The following MIB1 variants were observed in gnomAD, a reference collection of about 807,000 sequenced individuals.
The protein encoded by MIB1 is E3 ubiquitin-protein ligase MIB1.
Under a neutral mutation model 124.5 loss-of-function variants are expected in MIB1, and 278 were observed. That is an observed-to-expected ratio of 2.23 (90% CI 2.02 to 2.47). The LOEUF is 2.47. Ranked by LOEUF, MIB1 falls within the 30% of genes most tolerant of loss-of-function variation. The pLI is 0.00. For missense variants in MIB1, 957 were observed against 1,254.4 expected (o/e 0.76, Z 3.58); for synonymous variants, 446 against 429.4 (o/e 1.04, Z -0.48).
intron 9 of MIB1, 91 bp from the exon 10 acceptor site, chr18:21,803,816 A>G: frequency 2.4e-6 from 2 of 844,616 alleles, no homozygotes; most frequent in Non-Finnish European, 3.8e-6. Flanking sequence ...GGAATCATAC[A>G]GTATACTAGA....
In MIB1 at chr18:21,714,373, G is replaced by T. The variant is rs553469788; in HGVS notation, n.167+9250G>T. Reference sequence around the variant, plus strand: ...TTTCATGCTGGGAGTAGGGAGGATAGGGCATGGGGAACAGGTAGTGTGAAA... The same window carrying T: ...TTTCATGCTGGGAGTAGGGAGGATATGGCATGGGGAACAGGTAGTGTGAAA... On this transcript the variant is annotated intron_variant and non_coding_transcript_variant, in intron 1 of 20. Transcript: ENST00000578646. Among the ~76,000 whole-genome samples, 8 of 152,312 alleles carry T rather than the reference G, an allele frequency of 5.3e-5. No homozygotes were observed. The East Asian group carries it at 1.5e-3, about 29-fold the overall frequency.
At chr18:21,859,350 G>A (rs969263661) in intron 20 of MIB1, among the ~76,000 whole-genome samples, 7 of 149,372 alleles carry the variant, frequency 4.7e-5, no homozygotes, top group African/African-American at 1.7e-4. Context: ...CTGTGATCAC[G>A]CCATTGCACT....
chr18:21,842,523 C>T (rs990750450), intron 13 of MIB1, among the ~76,000 whole-genome samples: 3 of 152,128 alleles, frequency 2.0e-5, no homozygotes, highest in African/African-American at 4.8e-5. Flanking sequence ...TTATTTTGCT[C>T]CTCAGTCTCT....
chr18:21,834,600 T>C (rs2146495538), intron 12 of MIB1, among the ~76,000 whole-genome samples: 1 of 152,372 alleles, frequency 6.6e-6, no homozygotes, highest in South Asian at 2.1e-4. Flanking sequence ...ACACTTTATC[T>C]CTGTGGCCTT....
At chr18:21,830,543 T>G (rs2041969366) in intron 12 of MIB1, 1 of 152,138 alleles carries the variant, frequency 6.6e-6, no homozygotes, top group Non-Finnish European at 1.5e-5. Context: ...TGAGAACATA[T>G]ATTGAGTCAA....
rs950853476 is a variant in MIB1 at position 21,741,920 on chromosome 18, A to G, written c.229+108A>G. On this transcript the variant is annotated intron_variant, in intron 1 of 20. Coordinates refer to ENST00000261537, the MANE Select transcript of MIB1 (RefSeq NM_020774.4). This position sits in a 1 kb window ranked among gnomAD's most constrained non-coding sequence, Gnocchi z 5.4. The stretch of plus-strand genomic sequence containing the variant: ...GTCTGCAGTGGGACACCTGGTGGGC[A>G]GCGCCCGGCTGGAGCGAGCGGAAAG... The G allele has an allele frequency of 5.1e-6, 5 of 989,768 alleles. No individual in the cohort carries two copies. The highest frequency in any genetic ancestry group is 7.2e-6 in the Non-Finnish European group (5 of 696,712). The allele number at this position is 989,768 out of a possible 1,614,324, so 61.3% of individuals were successfully genotyped here.
chr18:21,858,697 T>C (rs2050899451), intron 20 of MIB1, 51 bp downstream of exon 20: 6 of 928,202 alleles, frequency 6.5e-6, no homozygotes, highest in Non-Finnish European at 1.1e-5. Context: ...ACTGAATATT[T>C]TCCCGTAAAA....
chr18:21,818,825 C>T (rs2041853703), intron 11 of MIB1, among the ~76,000 whole-genome samples: 1 of 152,040 alleles, frequency 6.6e-6, no homozygotes, highest in African/African-American at 2.4e-5. Context: ...ATCCCAGTTA[C>T]TTGGGAGGCT....
chr18:21,757,223 G>A (rs1206847406), intron 1 of MIB1, among the ~76,000 whole-genome samples: 3 of 151,670 alleles, frequency 2.0e-5, no homozygotes, highest in African/African-American at 7.3e-5. Context: ...AGGCTAAGGT[G>A]GGTGGATCGC....
chr18:21,864,892 C>A lies in MIB1; in HGVS notation c.*226C>A, dbSNP rs1479649045. ...TTTGAAACATCAAATTCATGTAACT[C>A]ATAGGATAATTTACCTTTGGCTTCT... is the stretch of plus-strand genomic sequence containing the variant. On this transcript the variant is annotated 3_prime_UTR_variant, in exon 21 of 21. Transcript: ENST00000261537. 1 of 365,604 alleles carries A rather than the reference C, an allele frequency of 2.7e-6. No individual in the cohort carries two copies. The highest frequency in any genetic ancestry group is 2.1e-5 in the African/African-American group (1 of 48,394). 22.6% of individuals were successfully genotyped at this position (365,604 alleles called of 1,614,324 possible). A position where few individuals can be genotyped will look rare whatever the true frequency, so the allele number is the denominator to read the frequency against.
rs2042324209 is a variant in MIB1, at chr18:21,866,741, A to T, written c.*2075A>T. On this transcript the variant is annotated 3_prime_UTR_variant, in exon 21 of 21. Transcript: ENST00000261537. ...CCAGACTAGTTTAATTATTTCCTTTATAAGAATATGACATAAATTTTTATT... is the reference window on the plus strand; with the variant it reads ...CCAGACTAGTTTAATTATTTCCTTTTTAAGAATATGACATAAATTTTTATT... 1 of 152,244 alleles carries T rather than the reference A, an allele frequency of 6.6e-6. No homozygotes were observed. Among genetic ancestry groups the T allele is most frequent in the South Asian group, 2.1e-4 (1 of 4,836 alleles). The allele number at this position is 152,244 out of a possible 1,614,324, so 9.4% of individuals were successfully genotyped here. A position where few individuals can be genotyped will look rare whatever the true frequency, so the allele number is the denominator to read the frequency against.
At chr18:21,851,859 A>G (rs1439902352) in intron 17 of MIB1, among the ~76,000 whole-genome samples, 1 of 152,194 alleles carries the variant, frequency 6.6e-6, no homozygotes, top group Non-Finnish European at 1.5e-5. Context: ...AGGTATGGCT[A>G]CAGTTTTTTT....
intron 12 of MIB1, among the ~76,000 whole-genome samples, chr18:21,835,387 T>A (rs1399288303): frequency 1.3e-5 from 2 of 152,016 alleles, no homozygotes; most frequent in Non-Finnish European, 2.9e-5. Flanking sequence ...AATGTGGACA[T>A]AAGAAGAGAG....
chr18:21,841,661 G>A (rs535071747), intron 13 of MIB1, among the ~76,000 whole-genome samples: 1 of 152,058 alleles, frequency 6.6e-6, no homozygotes, highest in South Asian at 2.1e-4. Context: ...AAACAAATTG[G>A]TGGTTTCTTA....
At chr18:21,713,455 C>A (rs1412451830) in intron 1 of MIB1, among the ~76,000 whole-genome samples, 1 of 150,878 alleles carries the variant, frequency 6.6e-6, no homozygotes, top group African/African-American at 2.4e-5. Flanking sequence ...ACTAAAAATA[C>A]AAAAAAAATT....
Position 21,870,461 on chromosome 18 carries a change from T to C in MIB1, c.*5795T>C, listed in dbSNP as rs1167685863. On this transcript the variant is annotated 3_prime_UTR_variant, in exon 21 of 21. Transcript: ENST00000261537. The stretch of plus-strand genomic sequence containing the variant: ...CACATTCTTTCAGGATTAAGACATA[T>C]GAAAATAGTCTGAATAGGATAAATT... 6.6e-6 allele frequency: 1 copy of C among 152,172 alleles called. No homozygotes were observed. The highest frequency in any genetic ancestry group is 2.4e-5 in the African/African-American group (1 of 41,460). The allele number at this position is 152,172 out of a possible 1,614,324, so 9.4% of individuals were successfully genotyped here.
chr18:21,866,052 ACTATATG>A lies in MIB1; in HGVS notation c.*1389_*1395del, dbSNP rs1453874047. ...TATATCAGGTGTTTACATAGTGTCT[ACTATATG>A]CTGTTGATAAGCTTTTTCCTAAAAA... On this transcript the variant is annotated 3_prime_UTR_variant, in exon 21 of 21. Transcript: ENST00000261537. The A allele has an allele frequency of 6.6e-6, 1 of 152,204 alleles. No homozygotes were observed. The highest frequency in any genetic ancestry group is 1.5e-5 in the Non-Finnish European group (1 of 68,044). The allele number at this position is 152,204 out of a possible 1,614,324, so 9.4% of individuals were successfully genotyped here. A position where few individuals can be genotyped will look rare whatever the true frequency, so the allele number is the denominator to read the frequency against.
chr18:21,810,355 C>T (rs1175823987), intron 10 of MIB1, among the ~76,000 whole-genome samples: 1 of 151,890 alleles, frequency 6.6e-6, no homozygotes, highest in Admixed American at 6.6e-5. Context: ...CTGTCAAAAT[C>T]CTAAAGATGT....
At position 21,724,475 on chromosome 18, in the gene MIB1, C is replaced by T. The variant is rs968376450; in HGVS notation, n.167+19352C>T. ...ATCCCAGCACTTTGGGAGGCTGAGG[C>T]GAGTGGCTCACTTGAGGTCGGGAGT... On this transcript the variant is annotated intron_variant and non_coding_transcript_variant, in intron 1 of 20. Coordinates refer to the MIB1 transcript ENST00000578646. Among the ~76,000 whole-genome samples, 15 of 151,544 alleles carry T rather than the reference C, an allele frequency of 9.9e-5. No homozygotes were observed. The South Asian group carries it at 1.7e-3, about 17-fold the overall frequency.
Sources: allele counts gnomAD v4.1 joint callset (sites outside exome capture counted in the v4.1 genomes callset), GRCh38; gene constraint gnomAD v4.1.1; non-coding constraint Gnocchi (gnomAD v3.1); transcripts MANE v1.5; gene names NCBI Gene and HGNC (gene_info 2026-07-23, HGNC 2026-07-21).